The following MIGA1 variants were observed in gnomAD, a reference collection of about 807,000 sequenced individuals.
MIGA1 encodes the protein mitoguardin 1.
In MIGA1, 58 loss-of-function variants were observed where a neutral mutation model predicts 82.0. The observed-to-expected ratio is 0.71, with a 90% CI of 0.57 to 0.88. MIGA1 has a LOEUF of 0.88. MIGA1 is among the 40% of genes least tolerant of loss of function. The probability of loss-of-function intolerance (pLI) is 0.00; values close to 1 mark genes in which losing one functional copy is unlikely to be tolerated. For synonymous variants in MIGA1, 249 were observed against 253.6 expected (o/e 0.98, Z 0.17); for missense variants, 751 against 749.1 (o/e 1.00, Z -0.03).
chr1:77,796,818 A>T (rs1194617035), intron 2 of MIGA1, among the ~76,000 whole-genome samples: 2 of 151,764 alleles, frequency 1.3e-5, no homozygotes, highest in African/African-American at 2.4e-5. Context: ...ATTTTTTTTC[A>T]ATTGACATGG....
chr1:77,848,763 G>T, intron 8 of MIGA1: 1 of 1,369,316 alleles, frequency 7.3e-7, no homozygotes, highest in South Asian at 1.3e-5. Context: ...AGATGGTGCA[G>T]GTTAATGCAA....
chr1:77,808,853 G>A (rs1683205642), intron 5 of MIGA1, among the ~76,000 whole-genome samples: 1 of 152,324 alleles, frequency 6.6e-6, no homozygotes, highest in East Asian at 1.9e-4. Context: ...ATCACAGTGG[G>A]TATTCCTATG....
intron 7 of MIGA1, among the ~76,000 whole-genome samples, chr1:77,825,703 T>C (rs1243816836): frequency 6.6e-6 from 1 of 152,360 alleles, no homozygotes; most frequent in South Asian, 2.1e-4. Flanking sequence ...TATGTTTATG[T>C]TTATTTGTAG....
At chr1:77,869,637 A>AG (rs71075769) in intron 14 of MIGA1, among the ~76,000 whole-genome samples, 23,674 of 119,358 alleles carry the variant, frequency 0.2, 3,856 homozygotes, top group Non-Finnish European at 0.3. Flanking sequence ...ACTTCCCAGT[A>AG]GGGGCGGCCG....
At chr1:77,796,622 G>C (rs902760554) in intron 2 of MIGA1, among the ~76,000 whole-genome samples, 2 of 152,118 alleles carry the variant, frequency 1.3e-5, no homozygotes, top group Admixed American at 6.5e-5. Context: ...TTACCAACAG[G>C]TTACAGTATT....
chr1:77,841,219 T>C lies in MIGA1; in HGVS notation c.896-2088T>C, dbSNP rs139030689. Among the ~76,000 whole-genome samples, 11 of 152,266 alleles carry C rather than the reference T, an allele frequency of 7.2e-5. No homozygotes were observed. In the East Asian group the frequency reaches 1.9e-3, roughly 27 times the overall value. ...TAGTCATTTAGTAGTAGAAAGATTT[T>C]TAAGATGAAAAGTTTTAGGTACTTT... is the stretch of plus-strand genomic sequence containing the variant. On this transcript the variant is annotated intron_variant, in intron 7 of 15. Coordinates refer to ENST00000370791, the MANE Select transcript of MIGA1 (RefSeq NM_198549.4).
intron 7 of MIGA1, among the ~76,000 whole-genome samples, chr1:77,821,410 G>A (rs1467300555): frequency 7.0e-6 from 1 of 143,336 alleles, no homozygotes; most frequent in African/African-American, 2.6e-5. Flanking sequence ...TTTTTTTTGA[G>A]ATGGAATTTC....
chr1:77,782,931 C>T (rs1470439229), intron 1 of MIGA1: 1 of 913,642 alleles, frequency 1.1e-6, no homozygotes. Context: ...TTTATGTAAC[C>T]AGAAAAGAGA....
intron 8 of MIGA1, chr1:77,847,118 T>G: frequency 1.1e-6 from 1 of 905,456 alleles, no homozygotes. Context: ...ATGGTGATTC[T>G]GGGCAGGCAG....
At chr1:77,869,598 G>A (rs1238400248) in intron 14 of MIGA1, among the ~76,000 whole-genome samples, 65 of 143,024 alleles carry the variant, frequency 4.5e-4, no homozygotes, top group Non-Finnish European at 4.8e-4. Flanking sequence ...CCTCCCGGAC[G>A]AGGCGGCTGG....
intron 8 of MIGA1, among the ~76,000 whole-genome samples, chr1:77,851,131 A>G (rs2101910764): frequency 6.6e-6 from 1 of 152,260 alleles, no homozygotes; most frequent in East Asian, 1.9e-4. Flanking sequence ...TCCGCCTCCC[A>G]AAGTGCTAGG....
chr1:77,794,160 G>A lies in MIGA1; in HGVS notation c.196-7171G>A, dbSNP rs141132366. Among the ~76,000 whole-genome samples the A allele has an allele frequency of 5.4e-3, 819 of 152,188 alleles. 6 individuals are homozygous for A. The highest frequency in any genetic ancestry group is 0.018 in the African/African-American group (760 of 41,510). ...GATTGTACATAGAATTCTCGTGTAT[G>A]CTTTGTATTAACATCTTAATATTAA... On this transcript the variant is annotated intron_variant, in intron 2 of 15. Transcript: ENST00000370791.
At chr1:77,867,019 C>A (rs746691727) in intron 14 of MIGA1, among the ~76,000 whole-genome samples, 1 of 152,062 alleles carries the variant, frequency 6.6e-6, no homozygotes, top group Non-Finnish European at 1.5e-5. Flanking sequence ...GGATTCCCTT[C>A]GTTTAATCCA....
chr1:77,838,001 G>A (rs532410127), intron 7 of MIGA1, among the ~76,000 whole-genome samples: 2 of 152,232 alleles, frequency 1.3e-5, no homozygotes, highest in South Asian at 4.1e-4. Context: ...AGCATCATTG[G>A]CAACACTGAA....
chr1:77,848,129 C>T (rs1684912556), intron 8 of MIGA1: 3 of 1,343,508 alleles, frequency 2.2e-6, no homozygotes, highest in Non-Finnish European at 3.2e-6. Flanking sequence ...AGAACCATTA[C>T]ACTGACCGTG....
At position 77,860,076 on chromosome 1, in the gene MIGA1, G is replaced by T; in HGVS notation, c.1225G>T (p.Ala409Ser). Residue 409 changes from alanine to serine, a missense_variant, in exon 11 of 16, where the codon GCT (alanine) becomes TCT (serine). Transcript: ENST00000370791. ...AGAATCAGCTAACAGGATATTCCTC[G>T]CTGAGAGCGGAAGGAAAATTTTATC... 6.2e-7 allele frequency: 1 copy of T among 1,611,854 alleles called. No homozygotes were observed. The highest frequency in any genetic ancestry group is 8.5e-7 in the Non-Finnish European group (1 of 1,179,026).
chr1:77,847,743 G>A, intron 8 of MIGA1: 1 of 1,593,268 alleles, frequency 6.3e-7, no homozygotes, highest in South Asian at 1.1e-5. Flanking sequence ...CAGCTTTCGT[G>A]AAGCCAGATC....
At chr1:77,850,336 T>C (rs1685000288) in intron 8 of MIGA1, among the ~76,000 whole-genome samples, 1 of 152,192 alleles carries the variant, frequency 6.6e-6, no homozygotes, top group Non-Finnish European at 1.5e-5. Flanking sequence ...CCCTATTCAA[T>C]GTGGGTTGGG....
intron 8 of MIGA1, among the ~76,000 whole-genome samples, chr1:77,857,515 C>T (rs1033660734): frequency 1.3e-5 from 2 of 151,754 alleles, no homozygotes; most frequent in Non-Finnish European, 2.9e-5. Flanking sequence ...GCACCTGGCC[C>T]CCCCTAATTT....
Sources: allele counts gnomAD v4.1 joint callset (sites outside exome capture counted in the v4.1 genomes callset), GRCh38; gene constraint gnomAD v4.1.1; transcripts MANE v1.5; gene names NCBI Gene and HGNC (gene_info 2026-07-23, HGNC 2026-07-21).